Variants in CD55 observed in about 807,000 individuals in gnomAD.
CD55 encodes CD55 molecule (Cromer blood group), also known as complement decay-accelerating factor.
A neutral mutation model predicts 45.8 loss-of-function variants in CD55; 41 were observed. The ratio of observed to expected loss-of-function variants is 0.90; its 90% CI spans 0.70 to 1.16. The LOEUF (loss-of-function observed/expected upper bound fraction) is 1.16, where lower values mean the gene tolerates loss of function less well. Ranked by LOEUF, CD55 falls within the 50% of genes most tolerant of loss-of-function variation. The pLI is 0.00. For missense variants in CD55, 416 were observed against 469.8 expected (o/e 0.89, Z 1.06); for synonymous variants, 181 against 181.1 (o/e 1.00, Z 0.01).
chr1:207,332,155 A>G (rs1245876407), intron 6 of CD55, among the ~76,000 whole-genome samples: 1 of 152,104 alleles, frequency 6.6e-6, no homozygotes, highest in Non-Finnish European at 1.5e-5. Context: ...CGGAGAGGTA[A>G]CAATTTTTTA....
chr1:207,326,758 A>G lies in CD55; in HGVS notation c.585A>G (p.Lys195=). ...TISFSCNTGY[K]LFGSTSSFCL... ...TCTTCCCCTGTTGCTTTAGGTACAAATTATTTGGCTCGACTTCTAGTTTTT... is the reference window on the plus strand; with the variant it reads ...TCTTCCCCTGTTGCTTTAGGTACAAGTTATTTGGCTCGACTTCTAGTTTTT... Residue 195 remains lysine (K), a synonymous_variant, in exon 5 of 10, where the codon AAA becomes AAG. Transcript: ENST00000367064. The G allele has an allele frequency of 1.2e-6, 2 of 1,613,394 alleles. No individual in the cohort carries two copies. Among genetic ancestry groups the G allele is most frequent in the Non-Finnish European group, 1.7e-6 (2 of 1,179,432 alleles).
Position 207,359,803 on chromosome 1 carries a change from C to T in CD55, c.*193C>T. On this transcript the variant is annotated 3_prime_UTR_variant, in exon 10 of 10. Transcript: ENST00000367064. ...CAGTCCTGGAATCACATTCTTAGCA[C>T]ACCTACACCTCTTGAAAATAGAACA... 2.1e-6 allele frequency: 1 copy of T among 482,440 alleles called. No homozygotes were observed. 29.9% of individuals were successfully genotyped at this position (482,440 alleles called of 1,614,324 possible).
chr1:207,337,620 G>A, intron 8 of CD55: 1 of 396,664 alleles, frequency 2.5e-6, no homozygotes, highest in Non-Finnish European at 4.5e-6. Context: ...TAGAGAAAAA[G>A]ACTGTGGCCC....
At chr1:207,345,761 T>A (rs1319304858) in intron 9 of CD55, among the ~76,000 whole-genome samples, 1 of 152,248 alleles carries the variant, frequency 6.6e-6, no homozygotes, top group African/African-American at 2.4e-5. Context: ...GATGTATTTA[T>A]GGTGTCAGTT....
chr1:207,349,186 ATTTTTT>A (rs55880818), intron 9 of CD55, among the ~76,000 whole-genome samples: 14 of 142,118 alleles, frequency 9.9e-5, no homozygotes, highest in African/African-American at 3.6e-4. Flanking sequence ...TTTTGTATTA[ATTTTTT>A]TTTTTTTTGA....
chr1:207,340,418 T>C (rs1236886088), intron 9 of CD55: 2 of 523,054 alleles, frequency 3.8e-6, no homozygotes, highest in African/African-American at 4.0e-5. Context: ...CAGGCTGGTA[T>C]GCGGTGGTGT....
intron 3 of CD55, among the ~76,000 whole-genome samples, chr1:207,325,103 G>A (rs1485249254): frequency 2.6e-5 from 4 of 152,130 alleles, no homozygotes; most frequent in African/African-American, 9.7e-5. Context: ...GGGAGACAGA[G>A]GCAGGTGGAC....
At chr1:207,339,085 A>G (rs571823206) in intron 8 of CD55, among the ~76,000 whole-genome samples, 1 of 152,106 alleles carries the variant, frequency 6.6e-6, no homozygotes, top group Non-Finnish European at 1.5e-5. Context: ...TTAAGTTTTC[A>G]AACATGTTTC....
chr1:207,331,045 C>T, intron 5 of CD55, 63 bp from the exon 6 acceptor site: 2 of 1,173,686 alleles, frequency 1.7e-6, no homozygotes, highest in South Asian at 1.5e-5. Flanking sequence ...ATGTTTTGAT[C>T]TTATTTGTAA....
chr1:207,337,332 C>A lies in CD55; in HGVS notation c.983C>A (p.Thr328Lys). 1.9e-6 allele frequency: 3 copies of A among 1,600,248 alleles called. No homozygotes were observed. Among genetic ancestry groups the A allele is most frequent in the Non-Finnish European group, 2.6e-6 (3 of 1,167,586 alleles). The stretch of plus-strand genomic sequence containing the variant: ...TTCCCTTCTGCTCATATTACAGCAA[C>A]ACGGAGTACACCTGTTTCCAGGACA... ...TKTTTPNAQA[T>K]RSTPVSRTTK... The change falls in exon 8 of 10, where the codon ACA becomes AAA. Residue 328 changes from threonine to lysine, a missense_variant. Around this residue, in one of 3 missense-constraint regions of CD55, gnomAD observed 182 missense variants for 201.4 expected, o/e 0.90. Coordinates refer to ENST00000367064, the MANE Select transcript of CD55 (RefSeq NM_000574.5).
In CD55 at chr1:207,359,839, T is replaced by TTGAGAGTGATTCCTTTCC. The variant is rs1656228421; in HGVS notation, c.*231_*248dup. The TTGAGAGTGATTCCTTTCC allele has an allele frequency of 1.5e-5, 6 of 387,310 alleles. No individual in the cohort carries two copies. In the East Asian group the frequency reaches 2.3e-4, roughly 15 times the overall value. 24.0% of individuals were successfully genotyped at this position (387,310 alleles called of 1,614,324 possible). ...CTTGAAAATAGAACAACTTGCAGAA[T>TTGAGAGTGATTCCTTTCC]TGAGAGTGATTCCTTTCCTAAAAGT... is the stretch of plus-strand genomic sequence containing the variant. On this transcript the variant is annotated 3_prime_UTR_variant, in exon 10 of 10. Coordinates refer to ENST00000367064, the MANE Select transcript of CD55 (RefSeq NM_000574.5).
chr1:207,359,679 C>A lies in CD55; in HGVS notation c.*69C>A. ...GTTCCTAGTTTCTTAGACTTATCTGCATATTGGATAAAATAAATGCAATTG... is the reference window on the plus strand; with the variant it reads ...GTTCCTAGTTTCTTAGACTTATCTGAATATTGGATAAAATAAATGCAATTG... On this transcript the variant is annotated 3_prime_UTR_variant, in exon 10 of 10. Coordinates refer to ENST00000367064, the MANE Select transcript of CD55 (RefSeq NM_000574.5). The A allele has an allele frequency of 6.6e-7, 1 of 1,524,304 alleles. No individual in the cohort carries two copies. The highest frequency in any genetic ancestry group is 1.4e-5 in the African/African-American group (1 of 69,674). The allele number at this position is 1,524,304 out of a possible 1,614,324, so 94.4% of individuals were successfully genotyped here.
intron 5 of CD55, among the ~76,000 whole-genome samples, chr1:207,327,392 T>G (rs190584796): frequency 2.0e-5 from 3 of 152,318 alleles, no homozygotes; most frequent in South Asian, 2.1e-4. Context: ...ATTAGAGAGA[T>G]AAGCTTATAC....
intron 3 of CD55, among the ~76,000 whole-genome samples, chr1:207,324,975 TAAAAC>T (rs1313132338): frequency 6.6e-6 from 1 of 152,146 alleles, no homozygotes; most frequent in Non-Finnish European, 1.5e-5. Flanking sequence ...TTACCTAAAA[TAAAAC>T]AAGTATATAT....
chr1:207,340,026 A>G (rs1051478183), intron 9 of CD55, among the ~76,000 whole-genome samples: 2 of 152,078 alleles, frequency 1.3e-5, no homozygotes, highest in Non-Finnish European at 2.9e-5. Context: ...TGCTAACTAT[A>G]CTCACCCTAC....
At chr1:207,333,461 A>T (rs934928192) in intron 6 of CD55, among the ~76,000 whole-genome samples, 1 of 152,228 alleles carries the variant, frequency 6.6e-6, no homozygotes, top group African/African-American at 2.4e-5. Flanking sequence ...GATTACCTCA[A>T]TGCAGTCTGC....
At chr1:207,330,616 G>A (rs1384128093) in intron 5 of CD55, among the ~76,000 whole-genome samples, 1 of 152,124 alleles carries the variant, frequency 6.6e-6, no homozygotes, top group African/African-American at 2.4e-5. Flanking sequence ...TAAACATGCT[G>A]CTTGAATTTT....
At chr1:207,355,760 A>G (rs907010996) in intron 9 of CD55, among the ~76,000 whole-genome samples, 1 of 152,232 alleles carries the variant, frequency 6.6e-6, no homozygotes, top group African/African-American at 2.4e-5. Flanking sequence ...CATCTAAAAA[A>G]TGAAAGTGAA....
chr1:207,338,700 G>C (rs1267437041), intron 8 of CD55, among the ~76,000 whole-genome samples: 1 of 151,938 alleles, frequency 6.6e-6, no homozygotes, highest in Admixed American at 6.6e-5. Flanking sequence ...GATGCCACTC[G>C]TCTGTACCAC....
Sources: gnomAD v4.1 joint callset for allele counts (sites outside exome capture counted in the v4.1 genomes callset) on GRCh38, gnomAD v4.1.1 for gene constraint, gnomAD v4.1.1 regional missense constraint, MANE v1.5 for transcripts, NCBI Gene and HGNC (gene_info 2026-07-23, HGNC 2026-07-21) for gene names.